Variants in KCNK2 observed in about 807,000 individuals in gnomAD.
KCNK2 encodes the protein potassium two pore domain channel subfamily K member 2.
In KCNK2, 21 loss-of-function variants were observed where a neutral mutation model predicts 40.5. The ratio of observed to expected loss-of-function variants is 0.52; its 90% CI spans 0.37 to 0.75. The LOEUF (loss-of-function observed/expected upper bound fraction) is 0.75. Ranked by LOEUF, KCNK2 falls within the 30% of genes least tolerant of loss-of-function variation. The probability of loss-of-function intolerance (pLI) is 0.00; values close to 1 mark genes in which losing one functional copy is unlikely to be tolerated. For missense variants in KCNK2, 399 were observed against 531.6 expected (o/e 0.75, Z 2.45); for synonymous variants, 191 against 202.2 (o/e 0.94, Z 0.47).
In KCNK2 at chr1:215,151,046, TA is replaced by T. The variant is rs549237176; in HGVS notation, c.476-18149del. ...TTTATATTTCTAGTTTTTAAAGAAA[TA>T]AAAGAAGTAGTACAGACTATTGTCC... On this transcript the variant is annotated intron_variant, in intron 3 of 6. Coordinates refer to ENST00000444842, the MANE Select transcript of KCNK2 (RefSeq NM_001017425.3). Among the ~76,000 whole-genome samples the T allele has an allele frequency of 7.7e-4, 117 of 152,182 alleles. 1 individual carries two copies. Among genetic ancestry groups the T allele is most frequent in the African/African-American group, 2.6e-3 (109 of 41,570 alleles).
intron 1 of KCNK2, among the ~76,000 whole-genome samples, chr1:215,040,462 G>C (rs1171709530): frequency 6.6e-6 from 1 of 152,140 alleles, no homozygotes; most frequent in East Asian, 1.9e-4. Flanking sequence ...ATGTGGCTCA[G>C]CTTCTAAGTA....
intron 2 of KCNK2, among the ~76,000 whole-genome samples, chr1:215,099,439 G>A (rs1418640491): frequency 6.6e-6 from 1 of 151,948 alleles, no homozygotes; most frequent in Non-Finnish European, 1.5e-5. Context: ...GAGAGTTCTA[G>A]TTAGTGTATC....
rs115805869 is a variant in KCNK2 at position 215,211,917 on chromosome 1, G to A, written c.963+16825G>A. On this transcript the variant is annotated intron_variant, in intron 6 of 6. Coordinates refer to ENST00000444842, the MANE Select transcript of KCNK2 (RefSeq NM_001017425.3). ...AGTAGAACCAAACTGTACTTATTTT[G>A]GTGGTTTATACTCATTCTATTATTG... Among the ~76,000 whole-genome samples, 433 of 152,058 alleles carry A rather than the reference G, an allele frequency of 2.8e-3. 2 individuals carry two copies. Among genetic ancestry groups the A allele is most frequent in the African/African-American group, 9.8e-3 (407 of 41,468 alleles).
chr1:215,165,042 A>T (rs982699382), intron 3 of KCNK2, among the ~76,000 whole-genome samples: 1 of 152,216 alleles, frequency 6.6e-6, no homozygotes, highest in Non-Finnish European at 1.5e-5. Flanking sequence ...ACAACTTTGT[A>T]TCATAAGGAA....
intron 3 of KCNK2, among the ~76,000 whole-genome samples, chr1:215,134,053 G>T (rs1661791399): frequency 6.6e-6 from 1 of 151,910 alleles, no homozygotes; most frequent in Admixed American, 6.6e-5. Context: ...CTAACAAAGA[G>T]TGAAATTGCC....
At chr1:215,160,857 T>C (rs1257570646) in intron 3 of KCNK2, among the ~76,000 whole-genome samples, 2 of 152,186 alleles carry the variant, frequency 1.3e-5, no homozygotes, top group African/African-American at 2.4e-5. Flanking sequence ...TTCAGACTTA[T>C]ACATGCCATA....
At chr1:215,156,309 A>G (rs1166047413) in intron 3 of KCNK2, among the ~76,000 whole-genome samples, 1 of 152,200 alleles carries the variant, frequency 6.6e-6, no homozygotes, top group Non-Finnish European at 1.5e-5. Context: ...CTCCTGTTAG[A>G]TGATCCCCTT....
At chr1:215,123,769 T>C (rs1353503484) in intron 2 of KCNK2, among the ~76,000 whole-genome samples, 3 of 152,204 alleles carry the variant, frequency 2.0e-5, no homozygotes, top group East Asian at 1.9e-4. Flanking sequence ...TCCAAAGCTA[T>C]ATTTCCAACT....
intron 1 of KCNK2, among the ~76,000 whole-genome samples, chr1:215,085,398 T>C (rs1239016491): frequency 2.6e-5 from 4 of 152,198 alleles, no homozygotes; most frequent in Non-Finnish European, 5.9e-5. Flanking sequence ...AGAAGTCTAG[T>C]ATCTCTTATA....
chr1:215,007,222 TATATAG>T (rs1656211926), intron 1 of KCNK2, among the ~76,000 whole-genome samples: 1 of 118,150 alleles, frequency 8.5e-6, no homozygotes, highest in Non-Finnish European at 1.7e-5. Flanking sequence ...TATATATATA[TATATAG>T]GCTCATTTCC....
chr1:215,104,618 T>A (rs776342111), intron 2 of KCNK2, among the ~76,000 whole-genome samples: 2 of 152,056 alleles, frequency 1.3e-5, no homozygotes, highest in Non-Finnish European at 2.9e-5. Flanking sequence ...TAAAAGCAGG[T>A]GGTGTCTTTA....
intron 6 of KCNK2, among the ~76,000 whole-genome samples, chr1:215,230,017 TTATATA>T (rs139170968): frequency 6.9e-6 from 1 of 145,502 alleles, no homozygotes; most frequent in African/African-American, 2.5e-5. Context: ...CACACACAGA[TTATATA>T]TATATATACA....
In KCNK2 at chr1:215,235,298, T is replaced by C. The variant is rs576841157; in HGVS notation, c.*153T>C. On this transcript the variant is annotated 3_prime_UTR_variant, in exon 7 of 7. Transcript: ENST00000444842. Reference sequence around the variant, plus strand: ...CATGGTCATCTATCATCAAGAGAATTTGGAATTCTGAGCCAGCACTTTCTT... The same window carrying C: ...CATGGTCATCTATCATCAAGAGAATCTGGAATTCTGAGCCAGCACTTTCTT... 25 of 616,836 alleles carry C rather than the reference T, an allele frequency of 4.1e-5. No homozygotes were observed. The African/African-American group carries it at 4.2e-4, about 10-fold the overall frequency. The allele number at this position is 616,836 out of a possible 1,614,324, so 38.2% of individuals were successfully genotyped here.
intron 6 of KCNK2, among the ~76,000 whole-genome samples, chr1:215,210,395 G>A (rs1297856889): frequency 6.6e-6 from 1 of 151,830 alleles, no homozygotes; most frequent in Non-Finnish European, 1.5e-5. Context: ...TTCCTATTTT[G>A]AAGCTTCATG....
chr1:215,042,913 A>G (rs1400757058), intron 1 of KCNK2, among the ~76,000 whole-genome samples: 1 of 152,236 alleles, frequency 6.6e-6, no homozygotes, highest in East Asian at 1.9e-4. Context: ...ATGCCAATGT[A>G]TCCTTTCATT....
chr1:215,036,318 T>C (rs922725230), intron 1 of KCNK2, among the ~76,000 whole-genome samples: 15 of 152,070 alleles, frequency 9.9e-5, no homozygotes, highest in African/African-American at 2.9e-4. Flanking sequence ...ACTGAAATTC[T>C]CTGATGCCTT....
intron 5 of KCNK2, among the ~76,000 whole-genome samples, chr1:215,173,901 G>T (rs1050890304): frequency 1.3e-5 from 2 of 151,968 alleles, no homozygotes; most frequent in Admixed American, 6.6e-5. Flanking sequence ...TTGCAAAAAT[G>T]TTCTCCCATT....
chr1:215,181,584 C>A (rs1664216630), intron 5 of KCNK2, among the ~76,000 whole-genome samples: 1 of 152,004 alleles, frequency 6.6e-6, no homozygotes, highest in Non-Finnish European at 1.5e-5. Flanking sequence ...CCTCCTCTCC[C>A]CTGCTTTTTA....
chr1:215,036,144 T>C (rs976133086), intron 1 of KCNK2, among the ~76,000 whole-genome samples: 4 of 151,570 alleles, frequency 2.6e-5, no homozygotes, highest in South Asian at 2.1e-4. Flanking sequence ...TTTTTTTTTT[T>C]CCTAGAAAAT....
Sources: gnomAD v4.1 joint callset for allele counts (sites outside exome capture counted in the v4.1 genomes callset) on GRCh38, gnomAD v4.1.1 for gene constraint, MANE v1.5 for transcripts, NCBI Gene and HGNC (gene_info 2026-07-23, HGNC 2026-07-21) for gene names.